Variants in RNF220 observed in about 807,000 individuals in gnomAD.
RNF220 encodes the protein ring finger protein 220.
A neutral mutation model predicts 67.1 loss-of-function variants in RNF220; 7 were observed. That is an observed-to-expected ratio of 0.10 (90% CI 0.06 to 0.20). RNF220 has a LOEUF of 0.20. Among genes scored for constraint, RNF220 ranks in the 10% least tolerant of loss-of-function variants. The pLI, the probability that RNF220 is intolerant of heterozygous loss-of-function variation, is 1.00. For synonymous variants in RNF220, 270 were observed against 283.2 expected (o/e 0.95, Z 0.47); for missense variants, 565 against 740.3 (o/e 0.76, Z 2.75).
At chr1:44,576,418 C>T (rs562269561) in intron 2 of RNF220, among the ~76,000 whole-genome samples, 4 of 152,140 alleles carry the variant, frequency 2.6e-5, no homozygotes, top group African/African-American at 7.2e-5. Flanking sequence ...AGTTTGGCTG[C>T]GGGACCAGAT....
At chr1:44,611,889 G>C (rs1557436476) in intron 2 of RNF220, among the ~76,000 whole-genome samples, 1 of 152,226 alleles carries the variant, frequency 6.6e-6, no homozygotes, top group African/African-American at 2.4e-5. Context: ...ACAGAGGTCT[G>C]TGTCCCATTC....
intron 2 of RNF220, among the ~76,000 whole-genome samples, chr1:44,479,490 A>G (rs1014946520): frequency 2.0e-5 from 3 of 152,184 alleles, no homozygotes; most frequent in Middle Eastern, 3.4e-3. Flanking sequence ...TTTTTACAAG[A>G]CAGAATCTAC....
chr1:44,524,312 TG>T (rs1660185601), intron 2 of RNF220, among the ~76,000 whole-genome samples: 3 of 152,036 alleles, frequency 2.0e-5, no homozygotes, highest in East Asian at 3.9e-4. Flanking sequence ...CTCGGGTAGG[TG>T]GGGGCAGGGT....
At position 44,645,937 on chromosome 1, in the gene RNF220, G is replaced by A. The variant is rs954514103; in HGVS notation, c.1445+449G>A. Among the ~76,000 whole-genome samples the A allele has an allele frequency of 6.6e-6, 1 of 152,218 alleles. No homozygotes were observed. The highest frequency in any genetic ancestry group is 2.4e-5 in the African/African-American group (1 of 41,456). ...CACTTCTGGTAGGAATTTTTGGCCT[G>A]GGTTCTCTGGCAGAGGAAAAGGGAT... is the stretch of plus-strand genomic sequence containing the variant. On this transcript the variant is annotated intron_variant, in intron 12 of 14. Coordinates refer to ENST00000361799, the MANE Select transcript of RNF220 (RefSeq NM_018150.4). The surrounding 1 kb of genome is among the most constrained non-coding windows in gnomAD (Gnocchi z 5.0).
At chr1:44,585,047 T>G (rs913462645) in intron 2 of RNF220, among the ~76,000 whole-genome samples, 14 of 152,156 alleles carry the variant, frequency 9.2e-5, no homozygotes, top group East Asian at 7.7e-4. Flanking sequence ...CCATGCATCC[T>G]AGGGAAAGGC....
intron 5 of RNF220, among the ~76,000 whole-genome samples, chr1:44,628,215 C>T (rs1233017203): frequency 6.6e-6 from 1 of 152,242 alleles, no homozygotes; most frequent in African/African-American, 2.4e-5. Flanking sequence ...CTGTACTGCA[C>T]TCACGGCATG....
chr1:44,625,957 T>G (rs1440670076), intron 4 of RNF220, among the ~76,000 whole-genome samples: 2 of 152,078 alleles, frequency 1.3e-5, no homozygotes, highest in Non-Finnish European at 2.9e-5. Flanking sequence ...CCACAACCCT[T>G]CATGGGGATC....
At chr1:44,626,240 G>A in intron 4 of RNF220, 57 bp from the exon 5 acceptor site, 1 of 1,349,870 alleles carries the variant, frequency 7.4e-7, no homozygotes. Context: ...GGGAACTCTA[G>A]GGACTGACTG....
chr1:44,614,387 C>T, intron 3 of RNF220, 90 bp downstream of exon 3: 2 of 1,457,746 alleles, frequency 1.4e-6, no homozygotes, highest in Non-Finnish European at 1.9e-6. Context: ...TGGCCCATAC[C>T]CCAGCCCCTC....
chr1:44,405,850 A>C (rs1647277352), intron 1 of RNF220, among the ~76,000 whole-genome samples: 1 of 152,078 alleles, frequency 6.6e-6, no homozygotes, highest in African/African-American at 2.4e-5. Flanking sequence ...GGAATTGGAC[A>C]AGTTGGGAGG....
At chr1:44,540,926 G>A (rs79421110) in intron 2 of RNF220, among the ~76,000 whole-genome samples, 24,903 of 151,820 alleles carry the variant, frequency 0.16, 2,644 homozygotes, top group Middle Eastern at 0.28. Context: ...TTTGGGGCAG[G>A]GAGTGAACCA....
chr1:44,481,753 T>TA (rs1465767539), intron 2 of RNF220, among the ~76,000 whole-genome samples: 1 of 152,324 alleles, frequency 6.6e-6, no homozygotes, highest in Non-Finnish European at 1.5e-5. Flanking sequence ...GAGAGAACTT[T>TA]TTTGTTCTTG....
At chr1:44,471,998 T>C (rs61295983) in intron 2 of RNF220, among the ~76,000 whole-genome samples, 16,020 of 152,248 alleles carry the variant, frequency 0.11, 2,010 homozygotes, top group African/African-American at 0.3. Flanking sequence ...AGCTTGTTTC[T>C]CTTAATATAA....
intron 2 of RNF220, among the ~76,000 whole-genome samples, chr1:44,511,309 A>T (rs1053436107): frequency 6.6e-6 from 1 of 152,192 alleles, no homozygotes; most frequent in African/African-American, 2.4e-5. Context: ...GCGGGCAAGA[A>T]GTTGAACCCT....
At chr1:44,455,789 T>G (rs1367131651) in intron 2 of RNF220, among the ~76,000 whole-genome samples, 1 of 152,148 alleles carries the variant, frequency 6.6e-6, no homozygotes, top group Non-Finnish European at 1.5e-5. Flanking sequence ...CAACACAGAT[T>G]GTTTTGGAAT....
intron 2 of RNF220, among the ~76,000 whole-genome samples, chr1:44,542,979 C>T (rs992689013): frequency 6.6e-6 from 1 of 152,152 alleles, no homozygotes; most frequent in Non-Finnish European, 1.5e-5. Flanking sequence ...TCCTGGAGGG[C>T]CCTGTCTCTC....
At chr1:44,629,610 A>C (rs1415736492) in intron 5 of RNF220, among the ~76,000 whole-genome samples, 1 of 152,160 alleles carries the variant, frequency 6.6e-6, no homozygotes, top group East Asian at 1.9e-4. Context: ...GGCCAACGCA[A>C]GTGGACTGCT....
intron 2 of RNF220, among the ~76,000 whole-genome samples, chr1:44,584,648 GCTTGT>G (rs1337172112): frequency 1.3e-5 from 2 of 152,170 alleles, no homozygotes; most frequent in African/African-American, 4.8e-5. Context: ...TGCTCCCCAA[GCTTGT>G]CTTGGCACAG....
intron 2 of RNF220, among the ~76,000 whole-genome samples, chr1:44,593,986 G>A (rs1420230744): frequency 1.3e-5 from 2 of 151,930 alleles, no homozygotes; most frequent in East Asian, 3.9e-4. Flanking sequence ...TTGGGAGGCT[G>A]AGGCAGGAGA....
Sources: allele counts gnomAD v4.1 joint callset (sites outside exome capture counted in the v4.1 genomes callset), GRCh38; gene constraint gnomAD v4.1.1; non-coding constraint Gnocchi (gnomAD v3.1); transcripts MANE v1.5; gene names NCBI Gene and HGNC (gene_info 2026-07-23, HGNC 2026-07-21).